GALNT17: variants seen among roughly 807,000 people sequenced by gnomAD.
The protein encoded by GALNT17 is polypeptide N-acetylgalactosaminyltransferase 17.
A neutral mutation model predicts 63.7 loss-of-function variants in GALNT17; 29 were observed. That is an observed-to-expected ratio of 0.46 (90% CI 0.34 to 0.62). GALNT17 has a LOEUF of 0.62. GALNT17 is among the 20% of genes least tolerant of loss of function. The probability of loss-of-function intolerance (pLI) is 0.01; values close to 1 mark genes in which losing one functional copy is unlikely to be tolerated. For missense variants in GALNT17, 603 were observed against 799.6 expected (o/e 0.75, Z 2.97); for synonymous variants, 305 against 318.3 (o/e 0.96, Z 0.45).
chr7:71,555,938 T>C (rs905616320), intron 5 of GALNT17, among the ~76,000 whole-genome samples: 4 of 152,248 alleles, frequency 2.6e-5, no homozygotes, highest in African/African-American at 9.6e-5. Context: ...ACGTCAGGAA[T>C]CTATTTTATA....
chr7:71,425,457 C>T (rs1377160561), intron 5 of GALNT17, among the ~76,000 whole-genome samples: 2 of 152,048 alleles, frequency 1.3e-5, no homozygotes, highest in African/African-American at 2.4e-5. Context: ...CTCCTGACCT[C>T]GTGATCCACC....
At chr7:71,652,362 G>A (rs1461804159) in intron 6 of GALNT17, among the ~76,000 whole-genome samples, 3 of 152,092 alleles carry the variant, frequency 2.0e-5, no homozygotes. Context: ...TTTTTTAAAA[G>A]GACTTTAGGA....
At chr7:71,460,628 G>C (rs562554751) in intron 5 of GALNT17, among the ~76,000 whole-genome samples, 78 of 152,280 alleles carry the variant, frequency 5.1e-4, no homozygotes, top group Non-Finnish European at 7.9e-4. Flanking sequence ...TAAAGTGAAA[G>C]CAAGTTTATT....
At chr7:71,302,798 G>A (rs1305533421) in intron 1 of GALNT17, among the ~76,000 whole-genome samples, 1 of 152,124 alleles carries the variant, frequency 6.6e-6, no homozygotes, top group Non-Finnish European at 1.5e-5. Flanking sequence ...TATTAGGAAC[G>A]GCAATTTTTA....
At chr7:71,265,098 T>TTTTTTA (rs144493671) in intron 1 of GALNT17, among the ~76,000 whole-genome samples, 1 of 78,382 alleles carries the variant, frequency 1.3e-5, no homozygotes, top group African/African-American at 4.6e-5. Context: ...CCCATAAATA[T>TTTTTTA]TATATATATA....
intron 6 of GALNT17, among the ~76,000 whole-genome samples, chr7:71,598,357 A>G (rs1300345455): frequency 1.3e-5 from 2 of 152,208 alleles, no homozygotes; most frequent in African/African-American, 4.8e-5. Context: ...GACTCCCTCA[A>G]AAGCAGCGGA....
chr7:71,212,503 G>T (rs900429802), intron 1 of GALNT17, among the ~76,000 whole-genome samples: 8 of 152,190 alleles, frequency 5.3e-5, no homozygotes, highest in African/African-American at 9.7e-5. Flanking sequence ...GCCTAGTGGA[G>T]CTCTGAGAAG....
chr7:71,547,074 C>T (rs1235542034), intron 5 of GALNT17, among the ~76,000 whole-genome samples: 1 of 152,074 alleles, frequency 6.6e-6, no homozygotes, highest in Admixed American at 6.5e-5. Flanking sequence ...TCACTGCAAC[C>T]TCTGCCTCCT....
intron 6 of GALNT17, among the ~76,000 whole-genome samples, chr7:71,591,874 G>C (rs896214654): frequency 2.6e-5 from 4 of 152,206 alleles, no homozygotes; most frequent in African/African-American, 9.6e-5. Context: ...TGTTGCCCAG[G>C]CTGGTCTCGA....
intron 1 of GALNT17, among the ~76,000 whole-genome samples, chr7:71,154,289 C>T (rs756218331): frequency 2.6e-5 from 4 of 152,148 alleles, no homozygotes; most frequent in East Asian, 3.9e-4. Flanking sequence ...GTCTGTTCAG[C>T]GCAGGAGCCA....
chr7:71,486,557 G>A (rs905094510), intron 5 of GALNT17, among the ~76,000 whole-genome samples: 4 of 151,548 alleles, frequency 2.6e-5, no homozygotes, highest in African/African-American at 4.8e-5. Flanking sequence ...GACACATGCC[G>A]AAGAGCCTCT....
At chr7:71,450,541 C>T (rs755659825) in intron 5 of GALNT17, among the ~76,000 whole-genome samples, 2 of 152,120 alleles carry the variant, frequency 1.3e-5, no homozygotes, top group East Asian at 1.9e-4. Flanking sequence ...ATATAATTCA[C>T]GTCATATATT....
At chr7:71,141,020 A>C (rs1348215699) in intron 1 of GALNT17, among the ~76,000 whole-genome samples, 1 of 68,324 alleles carries the variant, frequency 1.5e-5, no homozygotes, top group Admixed American at 1.6e-4. Flanking sequence ...GCAAGACCCA[A>C]ACTCTAAAAA....
intron 3 of GALNT17, among the ~76,000 whole-genome samples, chr7:71,400,225 T>C (rs1793215840): frequency 1.3e-5 from 2 of 152,086 alleles, no homozygotes; most frequent in South Asian, 2.1e-4. Flanking sequence ...TGTTCAACTC[T>C]CCCTTATGAG....
intron 6 of GALNT17, among the ~76,000 whole-genome samples, chr7:71,660,267 C>A (rs897659536): frequency 6.6e-6 from 1 of 152,174 alleles, no homozygotes; most frequent in African/African-American, 2.4e-5. Context: ...AAGAACCCTG[C>A]GGTGGGTTCT....
chr7:71,616,275 T>G (rs1790201145), intron 6 of GALNT17, among the ~76,000 whole-genome samples: 1 of 151,846 alleles, frequency 6.6e-6, no homozygotes, highest in African/African-American at 2.4e-5. Flanking sequence ...ACAAGTAAAT[T>G]CCAGATTCTT....
intron 3 of GALNT17, among the ~76,000 whole-genome samples, chr7:71,400,383 T>C (rs1309534353): frequency 6.6e-6 from 1 of 152,196 alleles, no homozygotes; most frequent in African/African-American, 2.4e-5. Context: ...ACTTTTTATA[T>C]ATTAAACAAA....
chr7:71,545,752 T>G (rs1361739558), intron 5 of GALNT17, among the ~76,000 whole-genome samples: 2 of 152,182 alleles, frequency 1.3e-5, no homozygotes, highest in East Asian at 3.9e-4. Flanking sequence ...ATTTGCTGAG[T>G]CTTACTTACA....
At chr7:71,353,119 A>ATTATTG (rs1792218795) in intron 2 of GALNT17, among the ~76,000 whole-genome samples, 1 of 152,108 alleles carries the variant, frequency 6.6e-6, no homozygotes, top group Admixed American at 6.6e-5. Flanking sequence ...TATTATTATT[A>ATTATTG]TTATTGTTCC....
Sources: allele counts gnomAD v4.1 joint callset (sites outside exome capture counted in the v4.1 genomes callset), GRCh38; gene constraint gnomAD v4.1.1; transcripts MANE v1.5; gene names NCBI Gene and HGNC (gene_info 2026-07-23, HGNC 2026-07-21).